The following KATNAL1 variants were observed in gnomAD, a reference collection of about 807,000 sequenced individuals.
The protein encoded by KATNAL1 is katanin p60 ATPase-containing subunit A-like 1.
A neutral mutation model predicts 55.2 loss-of-function variants in KATNAL1; 32 were observed. That is an observed-to-expected ratio of 0.58 (90% CI 0.44 to 0.78). KATNAL1 has a LOEUF of 0.78. Ranked by LOEUF, KATNAL1 falls within the 30% of genes least tolerant of loss-of-function variation. The probability of loss-of-function intolerance (pLI) is 0.00; values close to 1 mark genes in which losing one functional copy is unlikely to be tolerated. For synonymous variants in KATNAL1, 193 were observed against 193.6 expected (o/e 1.00, Z 0.02); for missense variants, 466 against 600.9 (o/e 0.78, Z 2.35).
intron 3 of KATNAL1, among the ~76,000 whole-genome samples, chr13:30,263,956 C>T (rs1374964693): frequency 2.7e-5 from 4 of 150,010 alleles, no homozygotes; most frequent in Admixed American, 6.7e-5. Flanking sequence ...GGAGGCATCA[C>T]ACTACCTGAC....
At chr13:30,307,209 C>T (rs1376046708) in intron 1 of KATNAL1, 122 bp downstream of exon 1, 2 of 152,372 alleles carry the variant, frequency 1.3e-5, no homozygotes, top group Non-Finnish European at 2.9e-5. Flanking sequence ...GAGCCAGCGC[C>T]CGAGGAACCC....
chr13:30,265,088 T>G (rs528666593), intron 3 of KATNAL1, among the ~76,000 whole-genome samples: 282 of 150,998 alleles, frequency 1.9e-3, no homozygotes, highest in African/African-American at 6.8e-3. Context: ...ATGGATGAAA[T>G]TGGAAATCAT....
intron 1 of KATNAL1, among the ~76,000 whole-genome samples, chr13:30,298,459 T>C (rs1044296483): frequency 1.6e-4 from 25 of 152,176 alleles, no homozygotes; most frequent in African/African-American, 4.8e-4. Flanking sequence ...ACAGGACATA[T>C]CATTTACCCA....
chr13:30,297,847 A>T (rs1179723214), intron 1 of KATNAL1, among the ~76,000 whole-genome samples: 1 of 152,190 alleles, frequency 6.6e-6, no homozygotes, highest in South Asian at 2.1e-4. Context: ...TGGCAACAAC[A>T]GACACTGGAA....
chr13:30,294,526 G>A (rs772004439), intron 1 of KATNAL1, among the ~76,000 whole-genome samples: 103 of 152,202 alleles, frequency 6.8e-4, no homozygotes, highest in Non-Finnish European at 1.2e-3. Flanking sequence ...GTAGAGACTG[G>A]TTTATGAGGT....
At chr13:30,258,790 T>TAC (rs1878997256) in intron 3 of KATNAL1, among the ~76,000 whole-genome samples, 1 of 152,154 alleles carries the variant, frequency 6.6e-6, no homozygotes, top group African/African-American at 2.4e-5. Context: ...GATAATCAAT[T>TAC]ACCCCAGAAG....
At chr13:30,209,964 A>C (rs61273904) in intron 10 of KATNAL1, among the ~76,000 whole-genome samples, 1 of 152,014 alleles carries the variant, frequency 6.6e-6, no homozygotes, top group African/African-American at 2.4e-5. Context: ...TGTATTTTTT[A>C]GTAGAGGCGG....
intron 1 of KATNAL1, among the ~76,000 whole-genome samples, chr13:30,297,986 A>G (rs1882626296): frequency 6.6e-6 from 1 of 152,168 alleles, no homozygotes; most frequent in Non-Finnish European, 1.5e-5. Flanking sequence ...CATGTAACAA[A>G]CGTGCAGATG....
At chr13:30,269,351 C>T (rs1457995258) in intron 3 of KATNAL1, among the ~76,000 whole-genome samples, 3 of 152,214 alleles carry the variant, frequency 2.0e-5, no homozygotes, top group African/African-American at 7.2e-5. Context: ...CCCGAGGTGC[C>T]GGGATTGCAG....
At chr13:30,220,958 C>T (rs903275292) in intron 9 of KATNAL1, among the ~76,000 whole-genome samples, 2 of 152,176 alleles carry the variant, frequency 1.3e-5, no homozygotes, top group African/African-American at 4.8e-5. Flanking sequence ...ATTGGCCTCC[C>T]AGAGTGCTGG....
chr13:30,262,480 A>T (rs1324621295), intron 3 of KATNAL1, among the ~76,000 whole-genome samples: 1 of 152,240 alleles, frequency 6.6e-6, no homozygotes, highest in African/African-American at 2.4e-5. Context: ...AGCAAGACTG[A>T]TAAAGAAGAA....
intron 3 of KATNAL1, among the ~76,000 whole-genome samples, chr13:30,275,787 T>A (rs6490450): frequency 0.56 from 85,647 of 151,604 alleles, 24,424 homozygotes; most frequent in Admixed American, 0.64. Flanking sequence ...TTTCAAAAAA[T>A]ATATATATAT....
chr13:30,269,641 G>A (rs1880095418), intron 3 of KATNAL1, among the ~76,000 whole-genome samples: 1 of 150,846 alleles, frequency 6.6e-6, no homozygotes, highest in Non-Finnish European at 1.5e-5. Flanking sequence ...CCTCTGCCTG[G>A]CCGCCCATCG....
chr13:30,260,977 G>A (rs1245756203), intron 3 of KATNAL1, among the ~76,000 whole-genome samples: 18 of 148,568 alleles, frequency 1.2e-4, no homozygotes, highest in African/African-American at 4.0e-4. Context: ...GAGAAAGGTC[G>A]GGTTACCCAC....
intron 3 of KATNAL1, among the ~76,000 whole-genome samples, chr13:30,277,711 C>T (rs561502154): frequency 2.6e-5 from 4 of 152,218 alleles, no homozygotes; most frequent in Admixed American, 1.3e-4. Flanking sequence ...AGGCCGGGCA[C>T]GGTGGCTCAC....
In KATNAL1 at chr13:30,205,213, C is replaced by T. The variant is rs1012434520; in HGVS notation, c.*3327G>A. 6 of 152,146 alleles carry T rather than the reference C, an allele frequency of 3.9e-5. No individual in the cohort carries two copies. Among genetic ancestry groups the T allele is most frequent in the African/African-American group, 1.4e-4 (6 of 41,428 alleles). 9.4% of individuals were successfully genotyped at this position (152,146 alleles called of 1,614,324 possible). A position where few individuals can be genotyped will look rare whatever the true frequency, so the allele number is the denominator to read the frequency against. On this transcript the variant is annotated 3_prime_UTR_variant, in exon 11 of 11. Coordinates refer to ENST00000380615, the MANE Select transcript of KATNAL1 (RefSeq NM_032116.5). Reference sequence around the variant, plus strand: ...CCAAAGCACAAACAGATTACTATGCCTCTCCATCAGTGATCTAAACTCTTG... The same window carrying T: ...CCAAAGCACAAACAGATTACTATGCTTCTCCATCAGTGATCTAAACTCTTG...
intron 2 of KATNAL1, among the ~76,000 whole-genome samples, chr13:30,280,705 T>G (rs140467857): frequency 3.3e-4 from 51 of 152,308 alleles, no homozygotes; most frequent in African/African-American, 1.2e-3. Flanking sequence ...TACTATGAAT[T>G]ACAAACTTCC....
At chr13:30,213,888 A>C (rs945926976) in intron 9 of KATNAL1, among the ~76,000 whole-genome samples, 1 of 151,838 alleles carries the variant, frequency 6.6e-6, no homozygotes, top group Non-Finnish European at 1.5e-5. Flanking sequence ...CTCTCTCACC[A>C]CTCCTATTCA....
intron 3 of KATNAL1, among the ~76,000 whole-genome samples, chr13:30,270,793 C>G (rs1248064965): frequency 1.0e-3 from 154 of 151,310 alleles, no homozygotes; most frequent in African/African-American, 3.5e-3. Flanking sequence ...GCAGGGTCCT[C>G]TGCCTAGGAA....
Sources: gnomAD v4.1 joint callset for allele counts (sites outside exome capture counted in the v4.1 genomes callset) on GRCh38, gnomAD v4.1.1 for gene constraint, MANE v1.5 for transcripts, NCBI Gene and HGNC (gene_info 2026-07-23, HGNC 2026-07-21) for gene names.